Variants in MATN2 observed in about 807,000 individuals in gnomAD.
MATN2 encodes the protein matrilin 2.
In MATN2, 69 loss-of-function variants were observed where a neutral mutation model predicts 103.2. The ratio of observed to expected loss-of-function variants is 0.67; its 90% confidence interval spans 0.55 to 0.82. MATN2 has a LOEUF of 0.82. Ranked by LOEUF, MATN2 falls within the 40% of genes least tolerant of loss-of-function variation. The probability of loss-of-function intolerance (pLI) is 0.00; values close to 1 mark genes in which losing one functional copy is unlikely to be tolerated. For synonymous variants in MATN2, 429 were observed against 450.2 expected (o/e 0.95, Z 0.60); for missense variants, 1,023 against 1,211.5 (o/e 0.84, Z 2.31).
intron 2 of MATN2, among the ~76,000 whole-genome samples, chr8:97,923,183 TC>T (rs201474872): frequency 0.028 from 4,152 of 147,280 alleles, 179 homozygotes; most frequent in African/African-American, 0.11. Flanking sequence ...GCTTGCTGTC[TC>T]TCTCTCTCTG....
At chr8:97,894,559 C>T (rs889724829) in intron 2 of MATN2, among the ~76,000 whole-genome samples, 1 of 152,002 alleles carries the variant, frequency 6.6e-6, no homozygotes, top group Non-Finnish European at 1.5e-5. Flanking sequence ...TGGCCTTATG[C>T]AATCCTCCTG....
chr8:97,988,152 CAAA>C (rs869146483), intron 6 of MATN2, among the ~76,000 whole-genome samples: 13 of 65,858 alleles, frequency 2.0e-4, no homozygotes, highest in African/African-American at 3.2e-4. Flanking sequence ...CCATCTCCAC[CAAA>C]AAAAAAAAAA....
intron 10 of MATN2, among the ~76,000 whole-genome samples, chr8:98,012,975 G>A (rs1044762941): frequency 6.6e-6 from 1 of 152,294 alleles, no homozygotes; most frequent in South Asian, 2.1e-4. Flanking sequence ...TAAGTGCTCC[G>A]TAAACACTTG....
At chr8:98,003,840 G>T in intron 8 of MATN2, 57 bp downstream of exon 8, 1 of 1,605,780 alleles carries the variant, frequency 6.2e-7, no homozygotes, top group Non-Finnish European at 8.5e-7. Context: ...TCATGGGGGC[G>T]GGCGGGTTCA....
At chr8:97,907,540 C>G (rs113393933) in intron 2 of MATN2, among the ~76,000 whole-genome samples, 6,169 of 148,094 alleles carry the variant, frequency 0.042, 178 homozygotes, top group Non-Finnish European at 0.055. Flanking sequence ...GCCAGGATGG[C>G]CTCGATCTCC....
chr8:97,877,536 G>C (rs1818118771), intron 1 of MATN2, among the ~76,000 whole-genome samples: 1 of 150,706 alleles, frequency 6.6e-6, no homozygotes, highest in Admixed American at 6.6e-5. Flanking sequence ...GCCCAGACTG[G>C]TCTCAAATTC....
intron 4 of MATN2, among the ~76,000 whole-genome samples, chr8:97,947,430 A>C (rs1029272120): frequency 7.2e-5 from 11 of 152,376 alleles, no homozygotes; most frequent in Non-Finnish European, 1.3e-4. Flanking sequence ...CAAGATAAAA[A>C]GTCAATATAC....
intron 2 of MATN2, among the ~76,000 whole-genome samples, chr8:97,898,616 T>C (rs947147240): frequency 7.0e-6 from 1 of 142,058 alleles, no homozygotes; most frequent in Non-Finnish European, 1.5e-5. Flanking sequence ...AAAAAAAAAA[T>C]AGTAGTGATG....
chr8:97,941,889 G>A lies in MATN2; in HGVS notation c.825G>A (p.Thr275=), dbSNP rs774091856. 12 of 1,612,888 alleles carry A rather than the reference G, an allele frequency of 7.4e-6. No homozygotes were observed. Among genetic ancestry groups the A allele is most frequent in the South Asian group, 1.1e-5 (1 of 90,974 alleles). Residue 275 remains threonine (T), a synonymous_variant, in exon 4 of 19, where the codon ACG becomes ACA. Coordinates refer to ENST00000254898, the MANE Select transcript of MATN2 (RefSeq NM_002380.5). ...GCTACATTCTCAACTCGGATCAGAC[G>A]ACTTGCAGAAGTAAGATTGCTTTGC... The part of the protein sequence containing the change: ...KQGYILNSDQ[T]TCRIQDLCAM...
chr8:97,973,795 C>A (rs1219296471), intron 5 of MATN2, among the ~76,000 whole-genome samples: 1 of 152,012 alleles, frequency 6.6e-6, no homozygotes, highest in East Asian at 1.9e-4. Context: ...GTCTCGAACC[C>A]CTGGGCTCAA....
At chr8:97,980,558 CTTTT>C (rs71570278) in intron 6 of MATN2, among the ~76,000 whole-genome samples, 1 of 94,090 alleles carries the variant, frequency 1.1e-5, no homozygotes, top group Non-Finnish European at 2.0e-5. Context: ...TTATTCTTTC[CTTTT>C]TTTTTTTTTT....
intron 2 of MATN2, among the ~76,000 whole-genome samples, chr8:97,915,907 C>T (rs1010755785): frequency 4.0e-5 from 6 of 151,822 alleles, no homozygotes; most frequent in Admixed American, 2.0e-4. Flanking sequence ...ACAATTTTAA[C>T]GTACATGTCA....
intron 5 of MATN2, among the ~76,000 whole-genome samples, chr8:97,963,192 A>G (rs1421143633): frequency 6.6e-6 from 1 of 152,222 alleles, no homozygotes; most frequent in Non-Finnish European, 1.5e-5. Flanking sequence ...ATGAGGTCAC[A>G]CTGTCTATTT....
chr8:98,019,418 CT>C, intron 12 of MATN2, among the ~76,000 whole-genome samples: 1 of 152,258 alleles, frequency 6.6e-6, no homozygotes, highest in Admixed American at 6.5e-5. Context: ...GGACCTCAGT[CT>C]TTTTCTCTTT....
intron 2 of MATN2, among the ~76,000 whole-genome samples, chr8:97,916,549 T>C (rs1422011493): frequency 1.3e-5 from 2 of 152,192 alleles, no homozygotes; most frequent in Non-Finnish European, 2.9e-5. Flanking sequence ...CACCCTCTGA[T>C]GGGCCCCAGT....
At chr8:98,017,418 T>A (rs574509296) in intron 11 of MATN2, among the ~76,000 whole-genome samples, 1 of 152,360 alleles carries the variant, frequency 6.6e-6, no homozygotes, top group East Asian at 1.9e-4. Context: ...CATCTCTGAA[T>A]AATCAAAGGG....
chr8:97,911,361 T>G (rs984947042), intron 2 of MATN2, among the ~76,000 whole-genome samples: 1 of 152,150 alleles, frequency 6.6e-6, no homozygotes, highest in African/African-American at 2.4e-5. Context: ...CCTCTCATTT[T>G]ACAGGGGAGA....
chr8:97,896,945 C>G (rs1445121874), intron 2 of MATN2, among the ~76,000 whole-genome samples: 1 of 147,290 alleles, frequency 6.8e-6, no homozygotes, highest in African/African-American at 2.5e-5. Context: ...TCAGGCAACA[C>G]AGTAGGGCTG....
rs555939822 is a variant in MATN2, at chr8:98,003,413, T to G, written c.1205-248T>G. 1.9e-3 allele frequency among the ~76,000 whole-genome samples: 296 copies of G among 152,358 alleles called. 2 individuals carry two copies. Among genetic ancestry groups the G allele is most frequent in the African/African-American group, 6.9e-3 (286 of 41,586 alleles). ...TTGTCTTTTAGTTGCTGTCCTTGTC[T>G]GACTCCTCACCAGAGCCTGAACCCA... On this transcript the variant is annotated intron_variant, in intron 7 of 18. Transcript: ENST00000254898.
Sources: allele counts gnomAD v4.1 joint callset (sites outside exome capture counted in the v4.1 genomes callset), GRCh38; gene constraint gnomAD v4.1.1; transcripts MANE v1.5; gene names NCBI Gene and HGNC (gene_info 2026-07-23, HGNC 2026-07-21).